PIK3C3: variants seen among roughly 807,000 people sequenced by gnomAD.
PIK3C3 encodes PI3-kinase type 3.
PIK3C3 carries 95 observed loss-of-function variants against 126.1 expected under a neutral mutation model. That is an observed-to-expected ratio of 0.75 (90% CI 0.64 to 0.89). The LOEUF is 0.89. Among genes scored for constraint, PIK3C3 ranks in the 40% least tolerant of loss-of-function variants. PIK3C3 has a pLI of 0.00. For missense variants in PIK3C3, 829 were observed against 1,063.2 expected (o/e 0.78, Z 3.06); for synonymous variants, 374 against 360.0 (o/e 1.04, Z -0.44).
rs553542598 is a variant in PIK3C3 at position 42,033,349 on chromosome 18, A to C, written c.1708-477A>C. Among the ~76,000 whole-genome samples the C allele has an allele frequency of 1.9e-3, 291 of 152,340 alleles. 1 individual carries two copies. The highest frequency in any genetic ancestry group is 6.4e-3 in the African/African-American group (267 of 41,586). On this transcript the variant is annotated intron_variant, in intron 15 of 24. Coordinates refer to ENST00000262039, the MANE Select transcript of PIK3C3 (RefSeq NM_002647.4). ...ACAGACTCAGTGAAAGTTAGAAAGT[A>C]GGGTTATAGTTTCTCCAAGTGAATT...
chr18:42,069,234 A>G (rs1056006596), intron 24 of PIK3C3, among the ~76,000 whole-genome samples: 2 of 152,188 alleles, frequency 1.3e-5, no homozygotes, highest in Non-Finnish European at 2.9e-5. Context: ...ATTGTAACCA[A>G]TCATTTGTTG....
At chr18:42,066,861 A>G (rs112044874) in intron 23 of PIK3C3, among the ~76,000 whole-genome samples, 5 of 152,282 alleles carry the variant, frequency 3.3e-5, no homozygotes, top group African/African-American at 9.6e-5. Flanking sequence ...GGGAAATTCA[A>G]TAGGAAAGGA....
intron 24 of PIK3C3, among the ~76,000 whole-genome samples, chr18:42,073,736 A>G (rs200333721): frequency 7.7e-6 from 1 of 129,160 alleles, no homozygotes; most frequent in Non-Finnish European, 1.6e-5. Context: ...TTTTTTTTTT[A>G]ATTTGTATTC....
At chr18:42,005,486 G>A (rs1257137217) in intron 10 of PIK3C3, among the ~76,000 whole-genome samples, 2 of 152,138 alleles carry the variant, frequency 1.3e-5, no homozygotes, top group Non-Finnish European at 2.9e-5. Flanking sequence ...AAGCATTGCT[G>A]GATTTTGGGC....
intron 9 of PIK3C3, among the ~76,000 whole-genome samples, chr18:42,001,506 G>A (rs1982289231): frequency 6.6e-6 from 1 of 151,908 alleles, no homozygotes; most frequent in Non-Finnish European, 1.5e-5. Flanking sequence ...AAAGACCTAG[G>A]GTCATTTAAA....
chr18:41,972,184 T>A (rs1464973260), intron 4 of PIK3C3, among the ~76,000 whole-genome samples: 1 of 152,118 alleles, frequency 6.6e-6, no homozygotes, highest in Non-Finnish European at 1.5e-5. Flanking sequence ...TCACCTTTTT[T>A]ATGATTGAAA....
intron 9 of PIK3C3, among the ~76,000 whole-genome samples, chr18:41,999,538 A>G (rs1201629107): frequency 3.3e-5 from 5 of 152,184 alleles, no homozygotes; most frequent in Non-Finnish European, 4.4e-5. Context: ...CATGGGATAA[A>G]TGAATTCAGT....
rs1986360108 is a variant in PIK3C3 at position 42,084,634 on chromosome 18, A to C, written c.*3497A>C. On this transcript the variant is annotated 3_prime_UTR_variant, in exon 25 of 25. Coordinates refer to ENST00000262039, the MANE Select transcript of PIK3C3 (RefSeq NM_002647.4). ...AAAAACAGAATAAGCCTCAGAAGAT[A>C]GTGAGCATCCCACCTGGGTGACCAC... 6.6e-6 allele frequency: 1 copy of C among 151,082 alleles called. No homozygotes were observed. The highest frequency in any genetic ancestry group is 2.1e-4 in the South Asian group (1 of 4,754). The allele number at this position is 151,082 out of a possible 1,614,324, so 9.4% of individuals were successfully genotyped here.
At chr18:42,057,166 A>G (rs1446220871) in intron 21 of PIK3C3, among the ~76,000 whole-genome samples, 7 of 151,374 alleles carry the variant, frequency 4.6e-5, no homozygotes, top group South Asian at 4.2e-4. Context: ...TTATAAATCA[A>G]TGTGTTACAG....
intron 9 of PIK3C3, among the ~76,000 whole-genome samples, chr18:41,999,217 A>G (rs1982167773): frequency 6.6e-6 from 1 of 152,198 alleles, no homozygotes. Context: ...CACAGTTTAT[A>G]GCATGTAGGA....
At chr18:41,978,938 C>T (rs567768884) in intron 4 of PIK3C3, among the ~76,000 whole-genome samples, 3 of 151,842 alleles carry the variant, frequency 2.0e-5, no homozygotes, top group African/African-American at 7.2e-5. Flanking sequence ...AGAAGAGTTA[C>T]TAGCTAGGCA....
intron 15 of PIK3C3, 88 bp downstream of exon 15, chr18:42,029,529 CGTGAA>C: frequency 2.6e-6 from 1 of 385,504 alleles, no homozygotes; most frequent in East Asian, 5.2e-5. Flanking sequence ...TGGGTTGATA[CGTGAA>C]TTTTTTTTTT....
chr18:41,992,294 G>A (rs649610), intron 6 of PIK3C3, among the ~76,000 whole-genome samples: 74,916 of 151,970 alleles, frequency 0.49, 20,158 homozygotes, highest in African/African-American at 0.72. Flanking sequence ...ACTTGTCACA[G>A]CTAGGCTGAT....
At chr18:42,063,052 G>A (rs757210875) in intron 22 of PIK3C3, among the ~76,000 whole-genome samples, 2 of 152,132 alleles carry the variant, frequency 1.3e-5, no homozygotes, top group African/African-American at 4.8e-5. Flanking sequence ...AAGATGGCCA[G>A]TGTGAACTGT....
chr18:42,019,105 T>G (rs141806939), intron 12 of PIK3C3, among the ~76,000 whole-genome samples: 1 of 152,208 alleles, frequency 6.6e-6, no homozygotes, highest in African/African-American at 2.4e-5. Context: ...AATGGTCTGT[T>G]TCCCATCACC....
At chr18:42,020,193 C>T (rs552272490) in intron 12 of PIK3C3, among the ~76,000 whole-genome samples, 22 of 152,276 alleles carry the variant, frequency 1.4e-4, no homozygotes, top group African/African-American at 5.1e-4. Flanking sequence ...AAAGGTCTCA[C>T]ATACTTTGAC....
At chr18:42,080,362 G>A (rs1187606761) in intron 24 of PIK3C3, among the ~76,000 whole-genome samples, 1 of 152,002 alleles carries the variant, frequency 6.6e-6, no homozygotes, top group Non-Finnish European at 1.5e-5. Flanking sequence ...ATGTACACAT[G>A]CATGTGCACA....
chr18:42,043,425 T>C (rs1984416789), intron 19 of PIK3C3, among the ~76,000 whole-genome samples: 1 of 152,178 alleles, frequency 6.6e-6, no homozygotes, highest in Non-Finnish European at 1.5e-5. Context: ...ACGTTAATCG[T>C]ATTTTCAGAT....
intron 2 of PIK3C3, among the ~76,000 whole-genome samples, chr18:41,961,645 A>G (rs1469085794): frequency 6.6e-6 from 1 of 152,186 alleles, no homozygotes; most frequent in Non-Finnish European, 1.5e-5. Context: ...TTTTGAGTAA[A>G]CAGAAATAGA....
Sources: allele counts gnomAD v4.1 joint callset (sites outside exome capture counted in the v4.1 genomes callset), GRCh38; gene constraint gnomAD v4.1.1; transcripts MANE v1.5; gene names NCBI Gene and HGNC (gene_info 2026-07-23, HGNC 2026-07-21).